The following MID1 variants were observed in gnomAD, a reference collection of about 807,000 sequenced individuals.
MID1 encodes E3 ubiquitin-protein ligase Midline-1.
A neutral mutation model predicts 40.4 loss-of-function variants in MID1; 7 were observed. The ratio of observed to expected loss-of-function variants is 0.17; its 90% CI spans 0.10 to 0.33. MID1 has a LOEUF of 0.33. Among genes scored for constraint, MID1 ranks in the 10% least tolerant of loss-of-function variants. The probability of loss-of-function intolerance (pLI) is 1.00; values close to 1 mark genes in which losing one functional copy is unlikely to be tolerated. For synonymous variants in MID1, 229 were observed against 221.2 expected (o/e 1.04, Z -0.31); for missense variants, 367 against 558.5 (o/e 0.66, Z 3.46).
chrX:10,773,493 T>C (rs1338329395), intron 1 of MID1, among the ~76,000 whole-genome samples: 1 of 112,394 alleles, frequency 8.9e-6, no homozygotes, highest in Non-Finnish European at 1.9e-5. Context: ...CCAAGTGACA[T>C]GTGTCTTATC....
intron 6 of MID1, among the ~76,000 whole-genome samples, chrX:10,474,290 C>T (rs113193336): frequency 0.049 from 5,428 of 111,667 alleles, 346 homozygotes; most frequent in African/African-American, 0.17. Flanking sequence ...TTTTCTCTGC[C>T]AATGTATTGT....
rs1177002503 is a variant in MID1, at chrX:10,516,599, TGTGTGTGTGTGCGC to T, written c.756+6479_756+6492del. Among the ~76,000 whole-genome samples the T allele has an allele frequency of 4.5e-3, 321 of 71,635 alleles. 5 individuals are homozygous for T. In the South Asian group the frequency reaches 0.064, roughly 14 times the overall value. The allele number at this position is 71,635 out of a possible 115,157, so 62.2% of individuals were successfully genotyped here. On this transcript the variant is annotated intron_variant, in intron 3 of 9. Transcript: ENST00000317552. ...GTGTGTGTGTGTGTGTGTGTGTGTG[TGTGTGTGTGTGCGC>T]GCGCGCACGCGTGTGTTTTAAGAGA...
At chrX:10,642,437 C>T (rs1306168329) in intron 1 of MID1, among the ~76,000 whole-genome samples, 5 of 109,737 alleles carry the variant, frequency 4.6e-5, no homozygotes, top group African/African-American at 1.7e-4. Flanking sequence ...AATAAAATAC[C>T]TAGGAATCCA....
In MID1 at chrX:10,568,933, G is replaced by A. The variant is rs181929613; in HGVS notation, c.-56-1330C>T. On this transcript the variant is annotated intron_variant, in intron 1 of 9. Transcript: ENST00000317552. ...TACATGCAGCCCATTGCAGGCTGTG[G>A]GAGAACAGTGCAGTTCACCCAGTGG... Among the ~76,000 whole-genome samples the A allele has an allele frequency of 1.2e-4, 13 of 111,794 alleles. No individual in the cohort carries two copies. In the Admixed American group the frequency reaches 1.2e-3, roughly 11 times the overall value.
At chrX:10,578,664 T>TG (rs1235665361) in intron 1 of MID1, among the ~76,000 whole-genome samples, 1 of 112,267 alleles carries the variant, frequency 8.9e-6, no homozygotes, top group Non-Finnish European at 1.9e-5. Flanking sequence ...TATGCTGTAC[T>TG]GGGTATCATG....
At chrX:10,811,627 A>G (rs747008594) in intron 1 of MID1, among the ~76,000 whole-genome samples, 2 of 112,051 alleles carry the variant, frequency 1.8e-5, no homozygotes, top group African/African-American at 6.5e-5. Context: ...CCAGAGGAAG[A>G]GAGAAATGTT....
intron 2 of MID1, 24 bp from the exon 3 acceptor site, chrX:10,523,211 AGG>A: frequency 4.1e-6 from 4 of 983,916 alleles, no homozygotes; most frequent in Admixed American, 2.2e-5. Context: ...AAAAAAAAAG[AGG>A]AAAAATATTA....
chrX:10,475,065 C>T (rs748791727), intron 5 of MID1: 8 of 349,285 alleles, frequency 2.3e-5, no homozygotes, highest in East Asian at 1.7e-4. Context: ...CAGTCTGGCC[C>T]GGTCACGTCT....
At chrX:10,551,175 G>T (rs907397255) in intron 2 of MID1, among the ~76,000 whole-genome samples, 10 of 112,118 alleles carry the variant, frequency 8.9e-5, no homozygotes, top group African/African-American at 2.6e-4. Context: ...ATTGTTTAGA[G>T]ATTTTTTAAA....
chrX:10,725,597 G>C (rs1023732125), intron 1 of MID1, among the ~76,000 whole-genome samples: 2 of 111,980 alleles, frequency 1.8e-5, no homozygotes, highest in African/African-American at 6.5e-5. Flanking sequence ...GGTGGCTCAC[G>C]CCTGTAATCC....
intron 1 of MID1, among the ~76,000 whole-genome samples, chrX:10,685,226 G>C (rs375921338): frequency 9.0e-6 from 1 of 111,273 alleles, no homozygotes; most frequent in Admixed American, 9.6e-5. Context: ...TTCTATTGCT[G>C]TGTATTTACT....
chrX:10,446,119 TG>T lies in MID1; in HGVS notation c.*3248del, dbSNP rs1928027495. The T allele has an allele frequency of 9.0e-6, 1 of 111,472 alleles. No homozygotes were observed. The highest frequency in any genetic ancestry group is 1.9e-5 in the Non-Finnish European group (1 of 53,112). 9.2% of individuals were successfully genotyped at this position (111,472 alleles called of 1,213,427 possible). A position where few individuals can be genotyped will look rare whatever the true frequency, so the allele number is the denominator to read the frequency against. Reference sequence around the variant, plus strand: ...CGACAACCAAAAGTTGCCATTGCATTGCCAAATGTCTCCTGGGGGGCAAAAT... The same window carrying T: ...CGACAACCAAAAGTTGCCATTGCATTCCAAATGTCTCCTGGGGGGCAAAAT... On this transcript the variant is annotated 3_prime_UTR_variant, in exon 10 of 10. Transcript: ENST00000317552.
intron 1 of MID1, among the ~76,000 whole-genome samples, chrX:10,722,658 G>A (rs753782894): frequency 8.9e-6 from 1 of 111,824 alleles, no homozygotes; most frequent in Non-Finnish European, 1.9e-5. Context: ...AAATTTCTGA[G>A]ATGACTGAAG....
chrX:10,613,460 C>A (rs769112585), intron 1 of MID1, among the ~76,000 whole-genome samples: 2 of 108,117 alleles, frequency 1.8e-5, no homozygotes, highest in African/African-American at 3.4e-5. Flanking sequence ...TCTGGAGTAA[C>A]CTTGGGCATG....
intron 9 of MID1, among the ~76,000 whole-genome samples, chrX:10,454,530 C>T (rs191196076): frequency 8.9e-6 from 1 of 111,975 alleles, no homozygotes; most frequent in Admixed American, 9.5e-5. Flanking sequence ...ATTTACAAAA[C>T]CAGGTAGCAG....
At chrX:10,641,338 A>T (rs1376173785) in intron 1 of MID1, among the ~76,000 whole-genome samples, 1 of 112,098 alleles carries the variant, frequency 8.9e-6, no homozygotes, top group Non-Finnish European at 1.9e-5. Flanking sequence ...TAAAGGGGAT[A>T]TCACCACCGA....
In MID1 at chrX:10,607,044, A is replaced by G. The variant is rs1477113308; in HGVS notation, c.-57+13246T>C. 2.7e-5 allele frequency among the ~76,000 whole-genome samples: 3 copies of G among 112,353 alleles called. No homozygotes were observed. The East Asian group carries it at 8.3e-4, about 31-fold the overall frequency. On this transcript the variant is annotated intron_variant, in intron 1 of 9. Coordinates refer to ENST00000317552, the MANE Select transcript of MID1 (RefSeq NM_000381.4). ...CACAACAGTGCCAGATCCAATTTGT[A>G]TTTTAAAGCATTGAATATAAGCTCT...
intron 1 of MID1, among the ~76,000 whole-genome samples, chrX:10,741,147 G>C (rs1296251435): frequency 8.9e-6 from 1 of 112,070 alleles, no homozygotes; most frequent in Non-Finnish European, 1.9e-5. Context: ...AAGCCCAGGA[G>C]ATAACCTTGG....
intron 1 of MID1, among the ~76,000 whole-genome samples, chrX:10,814,350 T>G (rs2044120996): frequency 9.0e-6 from 1 of 111,674 alleles, no homozygotes. Context: ...TTAACAACAA[T>G]TTTTGGCCAC....
Sources: allele counts gnomAD v4.1 joint callset (sites outside exome capture counted in the v4.1 genomes callset), GRCh38; gene constraint gnomAD v4.1.1; transcripts MANE v1.5; gene names NCBI Gene and HGNC (gene_info 2026-07-23, HGNC 2026-07-21).